The following FAT3 variants were observed in gnomAD, a reference collection of about 807,000 sequenced individuals.
The protein encoded by FAT3 is protocadherin Fat 3.
A neutral mutation model predicts 310.2 loss-of-function variants in FAT3; 95 were observed. The ratio of observed to expected loss-of-function variants is 0.31; its 90% CI spans 0.26 to 0.36. FAT3 has a LOEUF of 0.36. FAT3 is among the 10% of genes least tolerant of loss of function. The probability of loss-of-function intolerance (pLI) is 1.00; values close to 1 mark genes in which losing one functional copy is unlikely to be tolerated. For synonymous variants in FAT3, 2,314 were observed against 2,192.9 expected (o/e 1.06, Z -1.54); for missense variants, 5,408 against 5,715.6 (o/e 0.95, Z 1.74).
chr11:92,862,262 G>C (rs1949137087), intron 21 of FAT3, among the ~76,000 whole-genome samples: 1 of 152,158 alleles, frequency 6.6e-6, no homozygotes, highest in African/African-American at 2.4e-5. Context: ...AATGAAAATG[G>C]TCAGATAGGC....
At chr11:92,329,436 G>C (rs1046094519) in intron 1 of FAT3, among the ~76,000 whole-genome samples, 8 of 152,096 alleles carry the variant, frequency 5.3e-5, no homozygotes, top group African/African-American at 1.9e-4. Context: ...TCCATAGTAA[G>C]TAGAAGCAGC....
chr11:92,528,511 C>T (rs996607050), intron 3 of FAT3, among the ~76,000 whole-genome samples: 13 of 152,204 alleles, frequency 8.5e-5, no homozygotes, highest in Admixed American at 5.2e-4. Flanking sequence ...CTCAGCCTCC[C>T]GAGTAGCTGG....
At chr11:92,826,642 A>C (rs567646930) in intron 13 of FAT3, among the ~76,000 whole-genome samples, 143 of 152,350 alleles carry the variant, frequency 9.4e-4, no homozygotes, top group African/African-American at 3.2e-3. Flanking sequence ...AGAGATTAGA[A>C]CCCACATTAA....
At chr11:92,449,218 G>A (rs1017490115) in intron 2 of FAT3, among the ~76,000 whole-genome samples, 3 of 152,120 alleles carry the variant, frequency 2.0e-5, no homozygotes, top group Admixed American at 1.3e-4. Flanking sequence ...AAGAATACAG[G>A]CCAAAGAATT....
At chr11:92,867,722 G>A (rs1053914146) in intron 22 of FAT3, among the ~76,000 whole-genome samples, 1 of 152,144 alleles carries the variant, frequency 6.6e-6, no homozygotes, top group African/African-American at 2.4e-5. Flanking sequence ...GGAGATCTTG[G>A]AACATACTTT....
At chr11:92,584,188 T>C (rs1939003061) in intron 3 of FAT3, among the ~76,000 whole-genome samples, 2 of 152,030 alleles carry the variant, frequency 1.3e-5, no homozygotes, top group Non-Finnish European at 2.9e-5. Flanking sequence ...GTACCTGTTA[T>C]ATGTGTTTGA....
At chr11:92,685,643 C>G (rs1310922707) in intron 3 of FAT3, among the ~76,000 whole-genome samples, 2 of 150,614 alleles carry the variant, frequency 1.3e-5, no homozygotes, top group Non-Finnish European at 3.0e-5. Flanking sequence ...GTCAATAGAC[C>G]AATATTTATT....
In FAT3 at chr11:92,573,128, A is replaced by G. The variant is rs994259104; in HGVS notation, c.3607+48180A>G. Among the ~76,000 whole-genome samples, 9 of 152,182 alleles carry G rather than the reference A, an allele frequency of 5.9e-5. No individual in the cohort carries two copies. In the East Asian group the frequency reaches 1.7e-3, roughly 29 times the overall value. The stretch of plus-strand genomic sequence containing the variant: ...GTGTTTTAGGACTTATGCAGGTGCT[A>G]TCAGGACAGCAATGAGAAAGGATGC... On this transcript the variant is annotated intron_variant, in intron 3 of 27. Transcript: ENST00000525166.
chr11:92,581,077 C>T (rs760593590), intron 3 of FAT3, among the ~76,000 whole-genome samples: 6 of 152,050 alleles, frequency 3.9e-5, no homozygotes, highest in Non-Finnish European at 8.8e-5. Flanking sequence ...TTCCACTTCC[C>T]TTCTGCCCAG....
intron 4 of FAT3, among the ~76,000 whole-genome samples, chr11:92,719,978 GTC>G (rs1944816033): frequency 6.6e-6 from 1 of 152,022 alleles, no homozygotes; most frequent in Non-Finnish European, 1.5e-5. Flanking sequence ...TTACCTTTAT[GTC>G]TCCTGTAGCA....
At chr11:92,623,118 A>G (rs1403708712) in intron 3 of FAT3, among the ~76,000 whole-genome samples, 1 of 148,882 alleles carries the variant, frequency 6.7e-6, no homozygotes, top group Non-Finnish European at 1.5e-5. Context: ...AAAGCTTAGA[A>G]AATAAACCAA....
intron 2 of FAT3, among the ~76,000 whole-genome samples, chr11:92,360,723 A>G (rs561285312): frequency 6.6e-6 from 1 of 152,308 alleles, no homozygotes; most frequent in African/African-American, 2.4e-5. Context: ...GCCATCCTTT[A>G]TTACTAATTG....
rs192998447 is a variant in FAT3, at chr11:92,442,655, G to A, written c.3293-81979G>A. ...ATTCAGGTGTGACTTGTGCAGGTCC[G>A]GCTTCATCACTCTGTTTATCTGCCT... is the stretch of plus-strand genomic sequence containing the variant. On this transcript the variant is annotated intron_variant, in intron 2 of 27. Transcript: ENST00000525166. Among the ~76,000 whole-genome samples the A allele has an allele frequency of 4.6e-4, 70 of 152,110 alleles. 1 individual carries two copies. Among genetic ancestry groups the A allele is most frequent in the Middle Eastern group, 3.4e-3 (1 of 292 alleles).
At chr11:92,522,489 T>C (rs1953720086) in intron 2 of FAT3, among the ~76,000 whole-genome samples, 1 of 152,142 alleles carries the variant, frequency 6.6e-6, no homozygotes, top group African/African-American at 2.4e-5. Context: ...GAGTAGCTTC[T>C]GGGTTGACGG....
chr11:92,278,487 T>G (rs991882726), intron 1 of FAT3, among the ~76,000 whole-genome samples: 11 of 152,106 alleles, frequency 7.2e-5, no homozygotes, highest in African/African-American at 2.4e-4. Context: ...TTGGATTGTA[T>G]TTTTTGGTGG....
At position 92,806,516 on chromosome 11, in the gene FAT3, G is replaced by A. The variant is rs1284191915; in HGVS notation, c.9247+1G>A. 6.5e-7 allele frequency: 1 copy of A among 1,540,268 alleles called. No homozygotes were observed. The highest frequency in any genetic ancestry group is 2.1e-5 in the Admixed American group (1 of 47,648). On this transcript the variant is annotated splice_donor_variant, in intron 12 of 27. Transcript: ENST00000525166. LOFTEE classifies it high-confidence loss of function. Reference sequence around the variant, plus strand: ...GAATTTTTTCTAGATCCAGAAAGTGGTAAGCTAAAATTTATTATTGAGATA... The same window carrying A: ...GAATTTTTTCTAGATCCAGAAAGTGATAAGCTAAAATTTATTATTGAGATA...
intron 1 of FAT3, among the ~76,000 whole-genome samples, chr11:92,264,826 G>A (rs762304220): frequency 5.9e-5 from 9 of 152,088 alleles, no homozygotes; most frequent in African/African-American, 2.2e-4. Context: ...GGCGGTCACA[G>A]TGAGAGATAA....
rs183417680 is a variant in FAT3, at chr11:92,361,421, G to T, written c.3292+6017G>T. Among the ~76,000 whole-genome samples, 264 of 151,210 alleles carry T rather than the reference G, an allele frequency of 1.7e-3. 5 individuals are homozygous for T. Among genetic ancestry groups the T allele is most frequent in the Admixed American group, 0.017 (261 of 15,146 alleles). ...TAATAACAAATGTATAGTGTTAAGA[G>T]GTGGGGCTTTTGGGAAGGGATTGAA... On this transcript the variant is annotated intron_variant, in intron 2 of 27. Transcript: ENST00000525166.
chr11:92,283,195 G>T (rs1039350432), intron 1 of FAT3, among the ~76,000 whole-genome samples: 3 of 151,982 alleles, frequency 2.0e-5, no homozygotes, highest in African/African-American at 7.3e-5. Context: ...TTCCAGAAAA[G>T]GTCATACTAC....
Sources: allele counts gnomAD v4.1 joint callset (sites outside exome capture counted in the v4.1 genomes callset), GRCh38; gene constraint gnomAD v4.1.1; transcripts MANE v1.5; gene names NCBI Gene and HGNC (gene_info 2026-07-23, HGNC 2026-07-21).